The following ISM1 variants were observed in gnomAD, a reference collection of about 807,000 sequenced individuals.
The protein encoded by ISM1 is isthmin-1.
ISM1 carries 25 observed loss-of-function variants against 46.3 expected under a neutral mutation model. The observed-to-expected ratio is 0.54, with a 90% CI of 0.39 to 0.75. ISM1 has a LOEUF of 0.75. ISM1 is among the 30% of genes least tolerant of loss of function. ISM1 has a pLI of 0.00. For missense variants in ISM1, 536 were observed against 625.4 expected (o/e 0.86, Z 1.52); for synonymous variants, 255 against 256.7 (o/e 0.99, Z 0.06).
At chr20:13,227,882 C>A (rs1375244622) in intron 1 of ISM1, among the ~76,000 whole-genome samples, 1 of 151,718 alleles carries the variant, frequency 6.6e-6, no homozygotes, top group African/African-American at 2.4e-5. Context: ...TCAATTCTTA[C>A]CAGTTTTATT....
intron 4 of ISM1, 71 bp downstream of exon 4, chr20:13,288,754 G>T: frequency 6.9e-7 from 1 of 1,447,222 alleles, no homozygotes; most frequent in South Asian, 1.3e-5. Context: ...AAAACTTAGT[G>T]ACATTGTCTT....
At chr20:13,228,146 T>C (rs980585943) in intron 1 of ISM1, among the ~76,000 whole-genome samples, 1 of 151,946 alleles carries the variant, frequency 6.6e-6, no homozygotes, top group African/African-American at 2.4e-5. Context: ...CTAATTTTTG[T>C]ATTTTTAGTA....
chr20:13,224,674 T>C, intron 1 of ISM1, among the ~76,000 whole-genome samples: 1 of 152,064 alleles, frequency 6.6e-6, no homozygotes, highest in East Asian at 1.9e-4. Flanking sequence ...ACCTGAATTG[T>C]AGTATGTTTG....
chr20:13,225,054 C>G (rs112532029), intron 1 of ISM1, among the ~76,000 whole-genome samples: 5 of 150,902 alleles, frequency 3.3e-5, no homozygotes, highest in African/African-American at 1.2e-4. Flanking sequence ...GGGGTTTCAC[C>G]GTGTTAGCCA....
intron 1 of ISM1, among the ~76,000 whole-genome samples, chr20:13,257,938 G>A (rs2039945942): frequency 6.6e-6 from 1 of 152,122 alleles, no homozygotes; most frequent in Non-Finnish European, 1.5e-5. Flanking sequence ...GCACCGTACA[G>A]TGAAAGGAGC....
In ISM1 at chr20:13,270,628, A is replaced by G; in HGVS notation, c.263A>G (p.Gln88Arg). The G allele has an allele frequency of 6.2e-7, 1 of 1,613,986 alleles. No individual in the cohort carries two copies. The highest frequency in any genetic ancestry group is 8.5e-7 in the Non-Finnish European group (1 of 1,179,890). Reference protein sequence around the residue: ...HQPFPRPRFRQETGHPSLQRD... With the variant: ...HQPFPRPRFRRETGHPSLQRD... Reference sequence around the variant, plus strand: ...CCCTTCCCCAGACCGCGATTCCGACAAGAGACGGGGCACCCTTCATTGCAA... The same window carrying G: ...CCCTTCCCCAGACCGCGATTCCGACGAGAGACGGGGCACCCTTCATTGCAA... The change falls in exon 2 of 6, where the codon CAA becomes CGA. Residue 88 changes from glutamine (Q) to arginine (R), a missense_variant. Gln to Arg is a conservative substitution (Grantham distance 43, BLOSUM62 1). Transcript: ENST00000262487.
At chr20:13,222,982 G>C (rs1252494030) in intron 1 of ISM1, among the ~76,000 whole-genome samples, 2 of 152,048 alleles carry the variant, frequency 1.3e-5, no homozygotes, top group African/African-American at 2.4e-5. Flanking sequence ...GGCCGACATG[G>C]TGAAACCCCG....
In ISM1 at chr20:13,293,073, G is replaced by A. The variant is rs184317568; in HGVS notation, c.877+610G>A. On this transcript the variant is annotated intron_variant, in intron 5 of 5. Transcript: ENST00000262487. ...AAATTAGCTGGGCATGGTGGCAGGC[G>A]CCTGTAGTCCCAGCTACTCGGGAGG... Among the ~76,000 whole-genome samples the A allele has an allele frequency of 7.2e-5, 11 of 152,086 alleles. No homozygotes were observed. The East Asian group carries it at 1.2e-3, about 16-fold the overall frequency.
intron 1 of ISM1, among the ~76,000 whole-genome samples, chr20:13,232,528 T>C (rs1450412763): frequency 6.6e-6 from 1 of 152,262 alleles, no homozygotes; most frequent in Non-Finnish European, 1.5e-5. Context: ...CCACCATATG[T>C]TTACCCATTG....
At chr20:13,304,446 G>A (rs2040484199), downstream of ISM1, among the ~76,000 whole-genome samples, 1 of 152,092 alleles carries the variant, frequency 6.6e-6, no homozygotes, top group South Asian at 2.1e-4. Flanking sequence ...TATAAATTGG[G>A]GTAAGTCCAC....
chr20:13,294,778 C>T (rs1039314882), intron 5 of ISM1, among the ~76,000 whole-genome samples: 3 of 152,186 alleles, frequency 2.0e-5, no homozygotes, highest in African/African-American at 4.8e-5. Flanking sequence ...TTGGGTGCAC[C>T]CTCTAGGTTC....
chr20:13,295,989 T>A (rs1416981807), intron 5 of ISM1, among the ~76,000 whole-genome samples: 1 of 152,226 alleles, frequency 6.6e-6, no homozygotes, highest in East Asian at 1.9e-4. Flanking sequence ...TGTCACGTGC[T>A]CCTTGAAGCA....
chr20:13,262,633 A>G lies in ISM1; in HGVS notation c.139-7871A>G, dbSNP rs187043702. Reference sequence around the variant, plus strand: ...TACCACTCTGTTTTCTTTGCCAGCAATGGAGAAAGCACAACTTGAAAAAAT... The same window carrying G: ...TACCACTCTGTTTTCTTTGCCAGCAGTGGAGAAAGCACAACTTGAAAAAAT... On this transcript the variant is annotated intron_variant, in intron 1 of 5. Transcript: ENST00000262487. Among the ~76,000 whole-genome samples, 895 of 152,300 alleles carry G rather than the reference A, an allele frequency of 5.9e-3. 6 individuals are homozygous for G. Among genetic ancestry groups the G allele is most frequent in the African/African-American group, 0.02 (839 of 41,554 alleles).
chr20:13,255,041 C>T (rs890935800), intron 1 of ISM1, among the ~76,000 whole-genome samples: 1 of 152,150 alleles, frequency 6.6e-6, no homozygotes, highest in African/African-American at 2.4e-5. Context: ...CTGGTAGGGG[C>T]CACAACACAG....
intron 5 of ISM1, among the ~76,000 whole-genome samples, chr20:13,296,627 AG>A (rs2040409829): frequency 6.6e-6 from 1 of 152,180 alleles, no homozygotes; most frequent in Non-Finnish European, 1.5e-5. Context: ...TCTTTCCAAA[AG>A]GGACCCTTAA....
chr20:13,265,073 G>A (rs187470134), intron 1 of ISM1, among the ~76,000 whole-genome samples: 1 of 152,136 alleles, frequency 6.6e-6, no homozygotes, highest in Non-Finnish European at 1.5e-5. Flanking sequence ...ATTTAACTCT[G>A]TTATTTCATA....
Position 13,233,030 on chromosome 20 carries a change from A to T in ISM1, c.138+11116A>T, listed in dbSNP as rs1174764103. 1.3e-5 allele frequency among the ~76,000 whole-genome samples: 2 copies of T among 152,058 alleles called. 1 individual carries two copies. The highest frequency in any genetic ancestry group is 4.8e-5 in the African/African-American group (2 of 41,412). ...AGAAAATTCGATGCTGGACCAAAAAAAAAAAAGAAAACAGGCCGGAAAAGT... is the reference window on the plus strand; with the variant it reads ...AGAAAATTCGATGCTGGACCAAAAATAAAAAAGAAAACAGGCCGGAAAAGT... On this transcript the variant is annotated intron_variant, in intron 1 of 5. Transcript: ENST00000262487.
chr20:13,273,049 G>A (rs77476921), intron 2 of ISM1, among the ~76,000 whole-genome samples: 1,655 of 152,192 alleles, frequency 0.011, 30 homozygotes, highest in African/African-American at 0.037. Context: ...GCCTGGATGC[G>A]GGAGAACGGA....
At chr20:13,298,874 C>A in intron 5 of ISM1, 68 bp from the exon 6 acceptor site, 2 of 1,521,846 alleles carry the variant, frequency 1.3e-6, no homozygotes, top group Non-Finnish European at 8.9e-7. Context: ...GTGTCACATG[C>A]TCCTTGAAGC....
Sources: allele counts gnomAD v4.1 joint callset (sites outside exome capture counted in the v4.1 genomes callset), GRCh38; gene constraint gnomAD v4.1.1; transcripts MANE v1.5; gene names NCBI Gene and HGNC (gene_info 2026-07-23, HGNC 2026-07-21).